PSMC5: variants seen among roughly 807,000 people sequenced by gnomAD.
PSMC5 encodes 26S proteasome regulatory subunit 8.
A neutral mutation model predicts 49.1 loss-of-function variants in PSMC5; 11 were observed. The observed-to-expected ratio is 0.22, with a 90% CI of 0.14 to 0.37. PSMC5 has a LOEUF of 0.37. Ranked by LOEUF, PSMC5 falls within the 10% of genes least tolerant of loss-of-function variation. PSMC5 has a pLI of 1.00. For synonymous variants in PSMC5, 206 were observed against 192.2 expected, an observed-to-expected ratio of 1.07 and a Z score of -0.59; for missense variants, 229 against 520.9, an observed-to-expected ratio of 0.44 and a Z score of 5.45.
intron 3 of PSMC5, 49 bp from the exon 4 acceptor site, chr17:63,829,803 A>T (rs763471500): frequency 6.3e-7 from 1 of 1,575,072 alleles, no homozygotes; most frequent in Non-Finnish European, 8.7e-7. Context: ...TGGGTCCTGG[A>T]GACTCCAAAG....
Position 63,830,832 on chromosome 17 carries a change from A to G in PSMC5, c.576A>G (p.Pro192=), listed in dbSNP as rs138131935. Reference sequence around the variant, plus strand: ...AGGGAGTGCTGCTGTATGGACCTCCAGGCACTGGGAAGACACTGTTGGCCC... The same window carrying G: ...AGGGAGTGCTGCTGTATGGACCTCCGGGCACTGGGAAGACACTGTTGGCCC... The part of the protein sequence containing the change: ...QPKGVLLYGP[P]GTGKTLLARA... Residue 192 remains proline (P), a synonymous_variant, in exon 7 of 12, where the codon CCA becomes CCG. Transcript: ENST00000310144. The surrounding 1 kb of genome is among the most constrained non-coding windows in gnomAD (Gnocchi z 4.0). 1 of 1,613,960 alleles carries G rather than the reference A, an allele frequency of 6.2e-7. No individual in the cohort carries two copies. The highest frequency in any genetic ancestry group is 1.3e-5 in the African/African-American group (1 of 74,874).
chr17:63,830,447 G>A lies in PSMC5; in HGVS notation c.498G>A (p.Glu166=). 3 of 1,614,204 alleles carry A rather than the reference G, an allele frequency of 1.9e-6. No individual in the cohort carries two copies. The highest frequency in any genetic ancestry group is 8.5e-7 in the Non-Finnish European group (1 of 1,180,036). Residue 166 remains glutamate, a synonymous_variant, in exon 6 of 12, where the codon GAG becomes GAA. Transcript: ENST00000310144. This position sits in a 1 kb window ranked among gnomAD's most constrained non-coding sequence, Gnocchi z 4.0. ...KQIKEIKEVI[E]LPVKHPELFE... ...TCAAGGAGATCAAAGAAGTGATCGA[G>A]CTGCCTGTTAAGCATCCTGAGCTCT...
chr17:63,829,818 A>G (rs1292118952), intron 3 of PSMC5, 34 bp from the exon 4 acceptor site: 1 of 1,604,648 alleles, frequency 6.2e-7, no homozygotes, highest in East Asian at 2.2e-5. Context: ...CCAAAGGAGT[A>G]GCTAGGTGAC....
Position 63,827,843 on chromosome 17 carries a change from G to A in PSMC5, c.25-295G>A, listed in dbSNP as rs2040129533. On this transcript the variant is annotated intron_variant, in intron 1 of 11. Coordinates refer to ENST00000310144, the MANE Select transcript of PSMC5 (RefSeq NM_002805.6). ...TCCTTCGTCAGTACTGACACCTCGG[G>A]CTTGTAGAGCACTTCACGCAGTGCA... The A allele has an allele frequency of 9.1e-6, 13 of 1,430,542 alleles. No individual in the cohort carries two copies. The South Asian group carries it at 2.0e-4, about 22-fold the overall frequency. The allele number at this position is 1,430,542 out of a possible 1,614,324, so 88.6% of individuals were successfully genotyped here. A position where few individuals can be genotyped will look rare whatever the true frequency, so the allele number is the denominator to read the frequency against.
At position 63,830,997 on chromosome 17, in the gene PSMC5, G is replaced by A; in HGVS notation, c.680-39G>A. 2 of 1,607,582 alleles carry A rather than the reference G, an allele frequency of 1.2e-6. No individual in the cohort carries two copies. The highest frequency in any genetic ancestry group is 1.7e-6 in the Non-Finnish European group (2 of 1,176,160). On this transcript the variant is annotated intron_variant, in intron 7 of 11. Coordinates refer to ENST00000310144, the MANE Select transcript of PSMC5 (RefSeq NM_002805.6). This position sits in a 1 kb window ranked among gnomAD's most constrained non-coding sequence, Gnocchi z 4.0. Reference sequence around the variant, plus strand: ...GGGTAGGGGGTTAGAGAGCTAATAAGCTAATAAGCTCCCTAACACCAGCTC... The same window carrying A: ...GGGTAGGGGGTTAGAGAGCTAATAAACTAATAAGCTCCCTAACACCAGCTC...
Sources: gnomAD v4.1 joint callset for allele counts on GRCh38, gnomAD v4.1.1 for gene constraint, Gnocchi (gnomAD v3.1) non-coding constraint, MANE v1.5 for transcripts, NCBI Gene and HGNC (gene_info 2026-07-23, HGNC 2026-07-21) for gene names.